The following FBXO16 variants were observed in gnomAD, a reference collection of about 807,000 sequenced individuals.
FBXO16 encodes the protein F-box only protein 16.
A neutral mutation model predicts 41.0 loss-of-function variants in FBXO16; 31 were observed. The observed-to-expected ratio is 0.76, with a 90% CI of 0.57 to 1.02. The LOEUF is 1.02. Ranked by LOEUF, FBXO16 falls within the 50% of genes least tolerant of loss-of-function variation. FBXO16 has a pLI of 0.00. For synonymous variants in FBXO16, 133 were observed against 117.8 expected (o/e 1.13, Z -0.84); for missense variants, 361 against 346.2 (o/e 1.04, Z -0.34).
chr8:28,472,214 C>T (rs1243849194), intron 3 of FBXO16, among the ~76,000 whole-genome samples: 1 of 152,158 alleles, frequency 6.6e-6, no homozygotes, highest in Non-Finnish European at 1.5e-5. Flanking sequence ...CCTTACCCAT[C>T]CCAAGTAGCT....
chr8:28,487,842 T>C (rs1376143114), intron 1 of FBXO16, among the ~76,000 whole-genome samples: 1 of 151,362 alleles, frequency 6.6e-6, no homozygotes, highest in East Asian at 1.9e-4. Context: ...TGAATATTCA[T>C]CTTTTTTTCT....
intron 7 of FBXO16, among the ~76,000 whole-genome samples, chr8:28,439,352 C>T (rs1237089951): frequency 6.6e-6 from 1 of 152,050 alleles, no homozygotes; most frequent in Admixed American, 6.6e-5. Context: ...AATGGAATTC[C>T]CAGGAATTTC....
At chr8:28,459,266 A>G (rs1334579085) in intron 4 of FBXO16, among the ~76,000 whole-genome samples, 9 of 152,140 alleles carry the variant, frequency 5.9e-5, no homozygotes, top group Non-Finnish European at 1.0e-4. Flanking sequence ...ATCTTTCTTT[A>G]TTTTAAATAT....
chr8:28,466,711 C>T (rs897824855), intron 3 of FBXO16, among the ~76,000 whole-genome samples: 4 of 151,024 alleles, frequency 2.6e-5, no homozygotes, highest in Admixed American at 6.6e-5. Flanking sequence ...AGAAGAATGG[C>T]GATAAAGAGC....
At chr8:28,467,869 T>C (rs1803270436) in intron 3 of FBXO16, among the ~76,000 whole-genome samples, 1 of 152,230 alleles carries the variant, frequency 6.6e-6, no homozygotes, top group East Asian at 1.9e-4. Flanking sequence ...AGAGGTAATT[T>C]GTTTGGCTTT....
In FBXO16 at chr8:28,473,775, T is replaced by G. The variant is rs1254435290; in HGVS notation, c.132A>C (p.Lys44Asn). The change falls in exon 3 of 9, where the codon AAA (lysine) becomes AAC (asparagine). Residue 44 changes from lysine to asparagine, a missense_variant. Lys to Asn is a moderately conservative substitution (Grantham distance 94, BLOSUM62 0). Transcript: ENST00000380254. ...AATAGTATTTTTAAATGTTTACCCATTTGCCAAGCAGGGCTCTTCTTTCTT... is the reference window on the plus strand; with the variant it reads ...AATAGTATTTTTAAATGTTTACCCAGTTGCCAAGCAGGGCTCTTCTTTCTT... ...VFEERRALLG[K>N]WFDKWTDSQR... 6.2e-7 allele frequency: 1 copy of G among 1,602,500 alleles called. No homozygotes were observed. Among genetic ancestry groups the G allele is most frequent in the South Asian group, 1.1e-5 (1 of 89,336 alleles).
chr8:28,428,421 T>C lies in FBXO16; in HGVS notation c.*306A>G. The C allele has an allele frequency of 1.3e-6, 1 of 741,796 alleles. No individual in the cohort carries two copies. Among genetic ancestry groups the C allele is most frequent in the East Asian group, 3.1e-5 (1 of 32,748 alleles). The allele number at this position is 741,796 out of a possible 1,614,324, so 46.0% of individuals were successfully genotyped here. A position where few individuals can be genotyped will look rare whatever the true frequency, so the allele number is the denominator to read the frequency against. On this transcript the variant is annotated 3_prime_UTR_variant, in exon 9 of 9. Coordinates refer to ENST00000380254, the MANE Select transcript of FBXO16 (RefSeq NM_172366.4). ...AATCTGTCCACATTTATGCCATGAA[T>C]TCCTTTTTACTGAAATACCGTAGGA...
At chr8:28,438,936 C>T (rs1159413987) in intron 7 of FBXO16, among the ~76,000 whole-genome samples, 2 of 151,766 alleles carry the variant, frequency 1.3e-5, no homozygotes, top group Admixed American at 1.3e-4. Flanking sequence ...CCCATCTCTA[C>T]TAAAAATACA....
At chr8:28,468,208 C>A (rs753973158) in intron 3 of FBXO16, among the ~76,000 whole-genome samples, 6 of 152,190 alleles carry the variant, frequency 3.9e-5, no homozygotes, top group Non-Finnish European at 7.3e-5. Flanking sequence ...TTCTCCTATT[C>A]TAGCATCATG....
intron 7 of FBXO16, among the ~76,000 whole-genome samples, chr8:28,437,898 A>G (rs1484934642): frequency 6.6e-6 from 1 of 152,136 alleles, no homozygotes; most frequent in Admixed American, 6.6e-5. Context: ...AAAAAACAAG[A>G]AACACCACAA....
Position 28,466,505 on chromosome 8 carries a change from C to T in FBXO16, c.136-2687G>A, listed in dbSNP as rs554366674. 2.0e-5 allele frequency among the ~76,000 whole-genome samples: 3 copies of T among 151,972 alleles called. No homozygotes were observed. The South Asian group carries it at 6.3e-4, about 32-fold the overall frequency. On this transcript the variant is annotated intron_variant, in intron 3 of 8. Transcript: ENST00000380254. ...TATCTCCAACTCCCATAAAAGGAGA[C>T]TTCTGGCCAGGCGCGGTGGCTCACA...
intron 2 of FBXO16, among the ~76,000 whole-genome samples, chr8:28,478,602 T>C (rs1803459293): frequency 6.6e-6 from 1 of 152,096 alleles, no homozygotes. Context: ...GGCCAGTGGA[T>C]CACTGAGGTC....
intron 4 of FBXO16, among the ~76,000 whole-genome samples, chr8:28,460,223 G>GTATA (rs1408340610): frequency 0.024 from 2,106 of 89,344 alleles, 62 homozygotes; most frequent in East Asian, 0.07. Flanking sequence ...ATATATGTGT[G>GTATA]TGTATATATA....
chr8:28,438,872 AAT>A (rs1802722272), intron 7 of FBXO16, among the ~76,000 whole-genome samples: 1 of 151,420 alleles, frequency 6.6e-6, no homozygotes, highest in Non-Finnish European at 1.5e-5. Flanking sequence ...GGCTGAGGCA[AAT>A]GGACTTCTTG....
intron 3 of FBXO16, chr8:28,465,094 TTTTAAA>T (rs1481288907): frequency 6.4e-6 from 1 of 155,972 alleles, no homozygotes; most frequent in African/African-American, 2.5e-5. Context: ...GTACAATGTA[TTTTAAA>T]TTTATTTGAT....
At chr8:28,487,915 C>T (rs1285492130) in intron 1 of FBXO16, among the ~76,000 whole-genome samples, 2 of 151,140 alleles carry the variant, frequency 1.3e-5, no homozygotes, top group Admixed American at 6.6e-5. Flanking sequence ...TGCAGTGGCA[C>T]AAACTCGGCT....
intron 2 of FBXO16, among the ~76,000 whole-genome samples, chr8:28,476,031 T>G (rs1203341401): frequency 6.6e-6 from 1 of 152,180 alleles, no homozygotes; most frequent in Non-Finnish European, 1.5e-5. Flanking sequence ...ACTTCCAGCC[T>G]TACATTCTTG....
chr8:28,436,061 T>C (rs1001584728), intron 7 of FBXO16, among the ~76,000 whole-genome samples: 10 of 152,164 alleles, frequency 6.6e-5, no homozygotes, highest in South Asian at 2.1e-4. Context: ...GCTGAGGTCA[T>C]GGGTAGAGAC....
At chr8:28,470,454 T>C (rs954645070) in intron 3 of FBXO16, among the ~76,000 whole-genome samples, 19 of 152,360 alleles carry the variant, frequency 1.2e-4, no homozygotes, top group African/African-American at 4.6e-4. Flanking sequence ...TAAATGAATA[T>C]TTCTCTAGTA....
Sources: allele counts gnomAD v4.1 joint callset (sites outside exome capture counted in the v4.1 genomes callset), GRCh38; gene constraint gnomAD v4.1.1; transcripts MANE v1.5; gene names NCBI Gene and HGNC (gene_info 2026-07-23, HGNC 2026-07-21).